Variants in CEMIP observed in about 807,000 individuals in gnomAD.
CEMIP encodes the protein cell migration inducing hyaluronidase 1, also known as cell migration-inducing and hyaluronan-binding protein.
A neutral mutation model predicts 156.9 loss-of-function variants in CEMIP; 105 were observed. The ratio of observed to expected loss-of-function variants is 0.67; its 90% confidence interval spans 0.57 to 0.79. The LOEUF (loss-of-function observed/expected upper bound fraction) is 0.79, where lower values mean the gene tolerates loss of function less well. Among genes scored for constraint, CEMIP ranks in the 30% least tolerant of loss-of-function variants. The probability of loss-of-function intolerance (pLI) is 0.00; values close to 1 mark genes in which losing one functional copy is unlikely to be tolerated. For missense variants in CEMIP, 1,457 were observed against 1,769.4 expected (o/e 0.82, Z 3.17); for synonymous variants, 676 against 668.4 (o/e 1.01, Z -0.17).
rs1019093743 is a variant in CEMIP at position 80,921,074 on chromosome 15, C to A, written c.2046C>A (p.Leu682=). ...GGATGGCCAATCCCAACAACAACCTCATCAACTGTGCCGCTGCAGGATCTG... is the reference window on the plus strand; with the variant it reads ...GGATGGCCAATCCCAACAACAACCTAATCAACTGTGCCGCTGCAGGATCTG... The part of the protein sequence containing the change: ...TFWMANPNNN[L]INCAAAGSEE... The change falls in exon 16 of 30, where the codon CTC becomes CTA. Residue 682 remains leucine (L), a synonymous_variant. Transcript: ENST00000394685. 30 of 1,614,094 alleles carry A rather than the reference C, an allele frequency of 1.9e-5. No homozygotes were observed. The highest frequency in any genetic ancestry group is 2.1e-5 in the Non-Finnish European group (25 of 1,180,020).
chr15:80,912,111 G>A (rs1420412610), intron 14 of CEMIP, among the ~76,000 whole-genome samples: 1 of 152,246 alleles, frequency 6.6e-6, no homozygotes, highest in Non-Finnish European at 1.5e-5. Context: ...GGGAGAGGCT[G>A]GGAGAGACTG....
chr15:80,865,502 A>C (rs918741417), intron 1 of CEMIP, among the ~76,000 whole-genome samples: 1 of 152,168 alleles, frequency 6.6e-6, no homozygotes, highest in African/African-American at 2.4e-5. Flanking sequence ...TTTTAATTTT[A>C]TCTAATTATA....
intron 27 of CEMIP, 95 bp from the exon 28 acceptor site, chr15:80,942,850 C>G (rs975498203): frequency 6.9e-7 from 1 of 1,440,704 alleles, no homozygotes; most frequent in Non-Finnish European, 9.8e-7. Context: ...GCATAGGCAA[C>G]TTCTGCCTTC....
At chr15:80,892,878 A>C (rs1351323056) in intron 10 of CEMIP, among the ~76,000 whole-genome samples, 1 of 152,306 alleles carries the variant, frequency 6.6e-6, no homozygotes, top group Non-Finnish European at 1.5e-5. Context: ...TGGCCCATAC[A>C]TTTTTTATTA....
At chr15:80,925,540 A>G in intron 18 of CEMIP, 84 bp from the exon 19 acceptor site, 1 of 1,560,604 alleles carries the variant, frequency 6.4e-7, no homozygotes, top group Non-Finnish European at 8.7e-7. Context: ...GTGAGTAGAG[A>G]GAGGCTCACA....
chr15:80,895,919 C>G lies in CEMIP; in HGVS notation c.1270C>G (p.Leu424Val), dbSNP rs1899202683. The G allele has an allele frequency of 1.2e-6, 2 of 1,614,176 alleles. No homozygotes were observed. Among genetic ancestry groups the G allele is most frequent in the South Asian group, 2.2e-5 (2 of 91,078 alleles). ...TGACACCAATGTGAACAGCACCATTCTGAACTTGGAGGATAATGTACAGTC... is the reference window on the plus strand; with the variant it reads ...TGACACCAATGTGAACAGCACCATTGTGAACTTGGAGGATAATGTACAGTC... ...TIDTNVNSTI[L>V]NLEDNVQSWK... Residue 424 changes from leucine (L) to valine (V), a missense_variant, in exon 12 of 30, where the codon CTG becomes GTG. Around this residue, in one of 5 missense-constraint regions of CEMIP, gnomAD observed 280 missense variants for 300.3 expected, o/e 0.93. Transcript: ENST00000394685.
chr15:80,939,734 G>C (rs567244538), intron 25 of CEMIP, among the ~76,000 whole-genome samples: 2 of 152,278 alleles, frequency 1.3e-5, no homozygotes, highest in African/African-American at 4.8e-5. Context: ...CAGGAGTTGG[G>C]TTATAGGGGG....
Position 80,909,062 on chromosome 15 carries a change from A to G in CEMIP, c.1588-35A>G, listed in dbSNP as rs1193215376. The G allele has an allele frequency of 1.9e-6, 3 of 1,602,602 alleles. No individual in the cohort carries two copies. In the East Asian group the frequency reaches 6.7e-5, roughly 36 times the overall value. ...AGCCAGGGAAATCACAAAGCATCTCATGGGCTCCTCTGACTCTCGGTTCTC... is the reference window on the plus strand; with the variant it reads ...AGCCAGGGAAATCACAAAGCATCTCGTGGGCTCCTCTGACTCTCGGTTCTC... On this transcript the variant is annotated intron_variant, in intron 13 of 29. Coordinates refer to ENST00000394685, the MANE Select transcript of CEMIP (RefSeq NM_001293298.2).
At chr15:80,847,131 C>T (rs1277854995) in intron 1 of CEMIP, among the ~76,000 whole-genome samples, 1 of 152,186 alleles carries the variant, frequency 6.6e-6, no homozygotes, top group African/African-American at 2.4e-5. Flanking sequence ...ATAGGAAAGC[C>T]TTGACCTCCC....
At chr15:80,843,944 G>C (rs926249551) in intron 1 of CEMIP, among the ~76,000 whole-genome samples, 1 of 152,260 alleles carries the variant, frequency 6.6e-6, no homozygotes, top group African/African-American at 2.4e-5. Context: ...GGAGCAGCCA[G>C]TCATTGCCCG....
rs565722357 is a variant in CEMIP at position 80,941,808 on chromosome 15, G to C, written c.3408-41G>C. 2.5e-6 allele frequency: 4 copies of C among 1,583,506 alleles called. No homozygotes were observed. In the African/African-American group the frequency reaches 5.4e-5, roughly 21 times the overall value. On this transcript the variant is annotated intron_variant, in intron 25 of 29. Coordinates refer to ENST00000394685, the MANE Select transcript of CEMIP (RefSeq NM_001293298.2). ...GGGTGGGAGGAGAAGAGGGAGGTTT[G>C]AGTGTCCAAGCAAATGCCCAGCAAT... is the stretch of plus-strand genomic sequence containing the variant.
rs1897195850 is a variant in CEMIP, at chr15:80,833,239, G to T, written c.-175-40299G>T. On this transcript the variant is annotated intron_variant, in intron 1 of 29. Transcript: ENST00000394685. ...CTTGGGAAATTCGGGGACCCAGCAAGATGTGGCCTGAGCAGTGGCTGCCCC... is the reference window on the plus strand; with the variant it reads ...CTTGGGAAATTCGGGGACCCAGCAATATGTGGCCTGAGCAGTGGCTGCCCC... Among the ~76,000 whole-genome samples, 2 of 152,136 alleles carry T rather than the reference G, an allele frequency of 1.3e-5. 1 individual carries two copies. The highest frequency in any genetic ancestry group is 3.9e-4 in the East Asian group (2 of 5,180).
chr15:80,910,008 A>G (rs1185869332), intron 14 of CEMIP, among the ~76,000 whole-genome samples: 2 of 152,210 alleles, frequency 1.3e-5, no homozygotes, highest in East Asian at 3.9e-4. Flanking sequence ...ATTTTACACT[A>G]AATTGGACTT....
Position 80,873,713 on chromosome 15 carries a change from G to A in CEMIP, c.-17+17G>A, listed in dbSNP as rs958341953. On this transcript the variant is annotated intron_variant, in intron 2 of 29. Coordinates refer to ENST00000394685, the MANE Select transcript of CEMIP (RefSeq NM_001293298.2). The stretch of plus-strand genomic sequence containing the variant: ...AAGCCACTGGTGAGGACGCTGCACT[G>A]GAGTGTGGGCTGGCTGAGTGTGCCC... 3.1e-6 allele frequency: 2 copies of A among 643,830 alleles called. No individual in the cohort carries two copies. The highest frequency in any genetic ancestry group is 1.8e-5 in the African/African-American group (1 of 56,256). The allele number at this position is 643,830 out of a possible 1,614,324, so 39.9% of individuals were successfully genotyped here.
intron 12 of CEMIP, chr15:80,896,472 G>A (rs1026035655): frequency 7.3e-6 from 3 of 408,918 alleles, no homozygotes; most frequent in Middle Eastern, 3.9e-4. Context: ...ACACAAATAG[G>A]CTAGGGAAGC....
At chr15:80,813,904 C>T (rs2141633345) in intron 1 of CEMIP, among the ~76,000 whole-genome samples, 1 of 152,290 alleles carries the variant, frequency 6.6e-6, no homozygotes, top group East Asian at 1.9e-4. Flanking sequence ...AGCCCCTGGG[C>T]TTCTCAAGGG....
chr15:80,824,323 C>T (rs1411404911), intron 1 of CEMIP, among the ~76,000 whole-genome samples: 1 of 152,232 alleles, frequency 6.6e-6, no homozygotes, highest in Non-Finnish European at 1.5e-5. Context: ...CCCACTAGTG[C>T]CACCTGCTCT....
rs1567095546 is a variant in CEMIP at position 80,909,211 on chromosome 15, A to C, written c.1702A>C (p.Arg568=). Residue 568 remains arginine (R), a synonymous_variant, in exon 14 of 30, where the codon AGG becomes CGG. Transcript: ENST00000394685. ...CCACCTGGCCGGTGATGTAGACGAA[A>C]GGGGAGGTTATGACCCACCCACATA... is the stretch of plus-strand genomic sequence containing the variant. ...HFHLAGDVDE[R]GGYDPPTYIR... The C allele has an allele frequency of 6.2e-7, 1 of 1,614,134 alleles. No individual in the cohort carries two copies. The highest frequency in any genetic ancestry group is 8.5e-7 in the Non-Finnish European group (1 of 1,180,014).
chr15:80,834,110 A>G (rs80146323), intron 1 of CEMIP, among the ~76,000 whole-genome samples: 2 of 152,182 alleles, frequency 1.3e-5, no homozygotes, highest in South Asian at 4.1e-4. Context: ...TTGTCTCCCA[A>G]AATGTCTCCA....
Sources: allele counts gnomAD v4.1 joint callset (sites outside exome capture counted in the v4.1 genomes callset), GRCh38; gene constraint gnomAD v4.1.1; regional missense constraint gnomAD v4.1.1; transcripts MANE v1.5; gene names NCBI Gene and HGNC (gene_info 2026-07-23, HGNC 2026-07-21).